CFAP53: variants seen among roughly 807,000 people sequenced by gnomAD.
CFAP53 encodes the protein cilia and flagella associated protein 53, also known as cilia- and flagella-associated protein 53.
CFAP53 carries 62 observed loss-of-function variants against 59.7 expected under a neutral mutation model. The observed-to-expected ratio is 1.04, with a 90% confidence interval of 0.85 to 1.28. The LOEUF is 1.28. CFAP53 is among the 50% of genes most tolerant of loss of function. The probability of loss-of-function intolerance (pLI) is 0.00; values close to 1 mark genes in which losing one functional copy is unlikely to be tolerated. For missense variants in CFAP53, 629 were observed against 615.6 expected (o/e 1.02, Z -0.23); for synonymous variants, 218 against 205.7 (o/e 1.06, Z -0.51).
Position 50,261,221 on chromosome 18 carries a change from C to G in CFAP53, c.316G>C (p.Ala106Pro). The change falls in exon 3 of 8, where the codon GCA becomes CCA. Residue 106 changes from alanine (A) to proline (P), a missense_variant. Coordinates refer to ENST00000398545, the MANE Select transcript of CFAP53 (RefSeq NM_145020.5). ...GTAAAATACTCATTTTCTTCTAATG[C>G]TAAAAGCTCACGTAGCCTGAAACAA... The part of the protein sequence containing the change: ...ERRNKLRELL[A>P]LEENEYFTEM... The G allele has an allele frequency of 6.8e-7, 1 of 1,470,764 alleles. No individual in the cohort carries two copies. The highest frequency in any genetic ancestry group is 8.9e-7 in the Non-Finnish European group (1 of 1,119,698). 91.1% of individuals were successfully genotyped at this position (1,470,764 alleles called of 1,614,324 possible). A position where few individuals can be genotyped will look rare whatever the true frequency, so the allele number is the denominator to read the frequency against.
At chr18:50,262,846 A>C (rs571488911) in intron 1 of CFAP53, among the ~76,000 whole-genome samples, 10 of 152,256 alleles carry the variant, frequency 6.6e-5, no homozygotes, top group African/African-American at 2.2e-4. Flanking sequence ...GGAAGAGAGG[A>C]GGGAAAAGAA....
At chr18:50,242,380 T>C (rs894283691) in intron 6 of CFAP53, among the ~76,000 whole-genome samples, 6 of 152,218 alleles carry the variant, frequency 3.9e-5, no homozygotes, top group South Asian at 2.1e-4. Context: ...TAAATGTCCA[T>C]GAAATCTTCA....
rs2033661080 is a variant in CFAP53 at position 50,238,764 on chromosome 18, C to A, written c.1214-59G>T. On this transcript the variant is annotated intron_variant, in intron 6 of 7. Transcript: ENST00000398545. ...ACTTTCAGACAAGAATTGCCAACAT[C>A]TTTCTGGGCACCAGAGTCATATTGT... The A allele has an allele frequency of 1.3e-5, 16 of 1,244,960 alleles. No individual in the cohort carries two copies. In the South Asian group the frequency reaches 1.6e-4, roughly 13 times the overall value. 77.1% of individuals were successfully genotyped at this position (1,244,960 alleles called of 1,614,324 possible). A position where few individuals can be genotyped will look rare whatever the true frequency, so the allele number is the denominator to read the frequency against.
At chr18:50,232,861 T>C (rs2033595818) in intron 7 of CFAP53, among the ~76,000 whole-genome samples, 1 of 152,192 alleles carries the variant, frequency 6.6e-6, no homozygotes, top group African/African-American at 2.4e-5. Context: ...CCTGACCTTT[T>C]CCTCTCCATT....
At chr18:50,248,107 G>T (rs1313478777) in intron 5 of CFAP53, among the ~76,000 whole-genome samples, 1 of 144,328 alleles carries the variant, frequency 6.9e-6, no homozygotes, top group Non-Finnish European at 1.5e-5. Flanking sequence ...GTGACAGAGT[G>T]AGATACTGGC....
chr18:50,248,178 T>C (rs935717409), intron 5 of CFAP53, among the ~76,000 whole-genome samples: 6 of 150,580 alleles, frequency 4.0e-5, no homozygotes, highest in Middle Eastern at 3.5e-3. Context: ...GAAGAGACAT[T>C]TCATTGAAGA....
In CFAP53 at chr18:50,242,911, A is replaced by G. The variant is rs1241065277; in HGVS notation, c.1202T>C (p.Val401Ala). The change falls in exon 6 of 8, where the codon GTT becomes GCT. Residue 401 changes from valine (V) to alanine (A), a missense_variant. Physicochemically the swap from Val to Ala is moderately conservative, Grantham distance 64. Transcript: ENST00000398545. ...ATTCAGTTCCTTACACTTTTCTTGAACTTGAAGTTTTCTTGTACACATGAC... is the reference window on the plus strand; with the variant it reads ...ATTCAGTTCCTTACACTTTTCTTGAGCTTGAAGTTTTCTTGTACACATGAC... ...DEVMCTRKLQ[V>A]QEKLQREAKE... The G allele has an allele frequency of 1.2e-6, 2 of 1,612,962 alleles. No individual in the cohort carries two copies. Among genetic ancestry groups the G allele is most frequent in the Non-Finnish European group, 1.7e-6 (2 of 1,179,748 alleles).
chr18:50,248,524 C>T (rs1337314449), intron 5 of CFAP53, among the ~76,000 whole-genome samples: 1 of 152,140 alleles, frequency 6.6e-6, no homozygotes, highest in African/African-American at 2.4e-5. Flanking sequence ...TGGCTCATGC[C>T]TGTAATCCAA....
chr18:50,252,158 C>T (rs1285136243), intron 3 of CFAP53, among the ~76,000 whole-genome samples: 3 of 151,952 alleles, frequency 2.0e-5, no homozygotes, highest in Admixed American at 6.5e-5. Flanking sequence ...GGCTGGCGTG[C>T]GGTGGCACCA....
intron 2 of CFAP53, 51 bp downstream of exon 2, chr18:50,261,939 T>C: frequency 1.4e-6 from 2 of 1,436,438 alleles, no homozygotes; most frequent in Non-Finnish European, 9.8e-7. Flanking sequence ...AATCTCAAAT[T>C]GTGGTTTTAG....
At chr18:50,229,496 C>T (rs952355237) in intron 7 of CFAP53, among the ~76,000 whole-genome samples, 2 of 152,134 alleles carry the variant, frequency 1.3e-5, no homozygotes, top group Admixed American at 6.5e-5. Flanking sequence ...TTAATAGACC[C>T]TTGGGTTGCT....
chr18:50,243,182 A>G, intron 5 of CFAP53, 66 bp from the exon 6 acceptor site: 2 of 1,026,644 alleles, frequency 1.9e-6, no homozygotes, highest in East Asian at 4.8e-5. Flanking sequence ...GGATACATTT[A>G]AAAAAAATCT....
At chr18:50,239,769 T>C (rs1350243463) in intron 6 of CFAP53, among the ~76,000 whole-genome samples, 1 of 152,190 alleles carries the variant, frequency 6.6e-6, no homozygotes, top group Admixed American at 6.5e-5. Flanking sequence ...ATATACTACA[T>C]GATTCTAATT....
chr18:50,266,360 G>C lies in CFAP53; in HGVS notation c.45C>G (p.Gly15=). Residue 15 remains glycine (G), a synonymous_variant, in exon 1 of 8, where the codon GGC becomes GGG. Coordinates refer to ENST00000398545, the MANE Select transcript of CFAP53 (RefSeq NM_145020.5). ...RFGTVQREVK[G]PTPKVVIVRS... The stretch of plus-strand genomic sequence containing the variant: ...CCACGATCACCACTTTGGGGGTGGG[G>C]CCCTTAACCTCCCGCTGTACGGTGC... 3 of 1,614,262 alleles carry C rather than the reference G, an allele frequency of 1.9e-6. No individual in the cohort carries two copies. Among genetic ancestry groups the C allele is most frequent in the Non-Finnish European group, 2.5e-6 (3 of 1,180,040 alleles).
At position 50,233,757 on chromosome 18, in the gene CFAP53, A is replaced by G. The variant is rs150761848; in HGVS notation, c.1316+4846T>C. Among the ~76,000 whole-genome samples the G allele has an allele frequency of 2.8e-3, 431 of 152,362 alleles. 3 individuals carry two copies. Among genetic ancestry groups the G allele is most frequent in the African/African-American group, 9.4e-3 (390 of 41,582 alleles). ...TAACACACAGCACTAACTTCTGGAT[A>G]TGCCCATGCGGACAGGCACTCAAAG... On this transcript the variant is annotated intron_variant, in intron 7 of 7. Coordinates refer to ENST00000398545, the MANE Select transcript of CFAP53 (RefSeq NM_145020.5).
chr18:50,263,973 C>T lies in CFAP53; in HGVS notation c.70-1754G>A, dbSNP rs538883297. On this transcript the variant is annotated intron_variant, in intron 1 of 7. Coordinates refer to ENST00000398545, the MANE Select transcript of CFAP53 (RefSeq NM_145020.5). ...AAGGTGATGCCAATCCCAGCACAGT[C>T]GTGGTATTGTTCAAAGTCTGTACTG... Among the ~76,000 whole-genome samples the T allele has an allele frequency of 1.1e-4, 16 of 152,234 alleles. No homozygotes were observed. In the Middle Eastern group the frequency reaches 0.01, roughly 97 times the overall value.
chr18:50,257,545 A>T (rs557986393), intron 3 of CFAP53, among the ~76,000 whole-genome samples: 1 of 152,372 alleles, frequency 6.6e-6, no homozygotes, highest in African/African-American at 2.4e-5. Context: ...TTACCTAGGA[A>T]TTAACCAAAG....
At chr18:50,249,203 C>CAAAAAAAAAAAAAAAA (rs34676585) in intron 5 of CFAP53, among the ~76,000 whole-genome samples, 1 of 105,142 alleles carries the variant, frequency 9.5e-6, no homozygotes, top group Non-Finnish European at 1.9e-5. Flanking sequence ...AATTCTATCT[C>CAAAAAAAAAAAAAAAA]AAAAAAAAAA....
intron 5 of CFAP53, among the ~76,000 whole-genome samples, chr18:50,250,529 G>T (rs540851342): frequency 6.6e-6 from 1 of 152,296 alleles, no homozygotes; most frequent in East Asian, 1.9e-4. Flanking sequence ...CTGGGGGAGT[G>T]TGCTGAAACA....
Sources: gnomAD v4.1 joint callset for allele counts (sites outside exome capture counted in the v4.1 genomes callset) on GRCh38, gnomAD v4.1.1 for gene constraint, MANE v1.5 for transcripts, NCBI Gene and HGNC (gene_info 2026-07-23, HGNC 2026-07-21) for gene names.